Variants in FHIT observed in about 807,000 individuals in gnomAD.
The protein encoded by FHIT is fragile histidine triad diadenosine triphosphatase.
A neutral mutation model predicts 17.9 loss-of-function variants in FHIT; 19 were observed. The observed-to-expected ratio is 1.06, with a 90% CI of 0.74 to 1.56. FHIT has a LOEUF of 1.56. Ranked by LOEUF, FHIT falls within the 40% of genes most tolerant of loss-of-function variation. The pLI, the probability that FHIT is intolerant of heterozygous loss-of-function variation, is 0.00. For synonymous variants in FHIT, 81 were observed against 69.7 expected (o/e 1.16, Z -0.81); for missense variants, 248 against 189.2 (o/e 1.31, Z -1.82).
rs551330011 is a variant in FHIT, at chr3:59,900,946, C to G, written c.348+21400G>C. On this transcript the variant is annotated intron_variant, in intron 8 of 9. Transcript: ENST00000492590. ...ACTGTTTAAAATCTATGCAGTCCTTCTTTGATATGATAACCTTGGGGTTGT... is the reference window on the plus strand; with the variant it reads ...ACTGTTTAAAATCTATGCAGTCCTTGTTTGATATGATAACCTTGGGGTTGT... Among the ~76,000 whole-genome samples the G allele has an allele frequency of 3.1e-4, 47 of 152,250 alleles. 1 individual carries two copies. The highest frequency in any genetic ancestry group is 1.9e-3 in the South Asian group (9 of 4,828).
At chr3:59,871,863 G>A (rs961200149) in intron 8 of FHIT, among the ~76,000 whole-genome samples, 2 of 152,182 alleles carry the variant, frequency 1.3e-5, no homozygotes, top group Admixed American at 6.5e-5. Context: ...CTGACATTTT[G>A]GAGGCAAAGT....
At chr3:60,807,077 T>C (rs1553734526) in intron 4 of FHIT, among the ~76,000 whole-genome samples, 2 of 152,166 alleles carry the variant, frequency 1.3e-5, no homozygotes, top group African/African-American at 2.4e-5. Flanking sequence ...TATTAATCAG[T>C]TGAAGTATTG....
intron 7 of FHIT, among the ~76,000 whole-genome samples, chr3:59,959,587 T>C (rs966712662): frequency 6.6e-6 from 1 of 152,194 alleles, no homozygotes; most frequent in Admixed American, 6.5e-5. Context: ...CATTCATCCA[T>C]GCATATATCC....
intron 2 of FHIT, among the ~76,000 whole-genome samples, chr3:61,050,601 T>C (rs2033987893): frequency 6.6e-6 from 1 of 152,116 alleles, no homozygotes; most frequent in East Asian, 1.9e-4. Context: ...TGACAAGATA[T>C]GATATCCAGC....
At chr3:59,839,125 T>C (rs1701439872) in intron 8 of FHIT, among the ~76,000 whole-genome samples, 1 of 152,190 alleles carries the variant, frequency 6.6e-6, no homozygotes, top group East Asian at 1.9e-4. Flanking sequence ...GAGACCAGCC[T>C]GGCCAACATG....
chr3:61,203,932 A>G (rs1473750868), intron 1 of FHIT, among the ~76,000 whole-genome samples: 1 of 152,242 alleles, frequency 6.6e-6, no homozygotes, highest in Non-Finnish European at 1.5e-5. Context: ...GATGGCAAAA[A>G]ATACAGAAAA....
intron 4 of FHIT, among the ~76,000 whole-genome samples, chr3:60,712,848 G>C (rs2041576029): frequency 6.9e-6 from 1 of 145,246 alleles, no homozygotes; most frequent in South Asian, 2.4e-4. Context: ...ACACCCCACT[G>C]TCAACATTAG....
At chr3:60,693,408 T>C (rs899985091) in intron 4 of FHIT, among the ~76,000 whole-genome samples, 1 of 152,210 alleles carries the variant, frequency 6.6e-6, no homozygotes, top group African/African-American at 2.4e-5. Context: ...TTAAAGTTTC[T>C]CTCTATCTAG....
At chr3:60,172,317 G>C (rs549290238) in intron 5 of FHIT, among the ~76,000 whole-genome samples, 10 of 152,174 alleles carry the variant, frequency 6.6e-5, no homozygotes, top group Non-Finnish European at 1.2e-4. Flanking sequence ...CCAGGCTGCA[G>C]TGCAATGGCA....
intron 4 of FHIT, among the ~76,000 whole-genome samples, chr3:60,713,137 T>A (rs2041585508): frequency 6.6e-6 from 1 of 151,864 alleles, no homozygotes; most frequent in African/African-American, 2.4e-5. Context: ...TCAAAACCGC[T>A]CAACTACATG....
chr3:60,395,850 C>T (rs1013430581), intron 5 of FHIT, among the ~76,000 whole-genome samples: 4 of 152,086 alleles, frequency 2.6e-5, no homozygotes, highest in African/African-American at 9.7e-5. Context: ...TATCAATTGC[C>T]ATTTTTCCAG....
chr3:61,100,874 G>C (rs958087057), intron 2 of FHIT, among the ~76,000 whole-genome samples: 13 of 152,184 alleles, frequency 8.5e-5, no homozygotes, highest in Admixed American at 2.6e-4. Flanking sequence ...AGAAGTGTCT[G>C]TTCATATCCT....
chr3:60,768,247 T>G (rs371478303), intron 4 of FHIT, among the ~76,000 whole-genome samples: 1 of 152,102 alleles, frequency 6.6e-6, no homozygotes, highest in African/African-American at 2.4e-5. Context: ...CATGGGCTCA[T>G]GAATGAGGCA....
intron 5 of FHIT, among the ~76,000 whole-genome samples, chr3:60,308,884 C>G (rs1294494236): frequency 6.6e-6 from 1 of 152,108 alleles, no homozygotes; most frequent in Non-Finnish European, 1.5e-5. Flanking sequence ...TAATCACTAA[C>G]TGTGAGAATA....
At chr3:60,367,870 A>G (rs62248546) in intron 5 of FHIT, among the ~76,000 whole-genome samples, 37,347 of 152,144 alleles carry the variant, frequency 0.25, 5,978 homozygotes, top group Non-Finnish European at 0.36. Flanking sequence ...ATCACCAAAA[A>G]TAAGTTCTGC....
intron 3 of FHIT, among the ~76,000 whole-genome samples, chr3:60,920,731 G>A (rs1191596354): frequency 6.6e-6 from 1 of 152,034 alleles, no homozygotes; most frequent in Non-Finnish European, 1.5e-5. Context: ...AACCTTTTCA[G>A]TCATGTTTAA....
At position 61,050,074 on chromosome 3, in the gene FHIT, AACC is replaced by A. The variant is rs201969255; in HGVS notation, c.-163-7978_-163-7976del. ...ACCTAGCATAAAAAGTACACGGTTTAACCATTTCTTTGGGCCTTCATTTCCTTA... is the reference window on the plus strand; with the variant it reads ...ACCTAGCATAAAAAGTACACGGTTTAATTTCTTTGGGCCTTCATTTCCTTA... On this transcript the variant is annotated intron_variant, in intron 2 of 9. Transcript: ENST00000492590. 6.1e-3 allele frequency among the ~76,000 whole-genome samples: 933 copies of A among 152,330 alleles called. 11 individuals are homozygous for A. The highest frequency in any genetic ancestry group is 0.021 in the African/African-American group (860 of 41,570).
chr3:60,406,458 T>C (rs146286227), intron 5 of FHIT, among the ~76,000 whole-genome samples: 89 of 152,320 alleles, frequency 5.8e-4, no homozygotes, highest in African/African-American at 2.1e-3. Flanking sequence ...ATGCTGCCAC[T>C]AATTCTGTCC....
chr3:60,434,033 A>G (rs1576646320), intron 5 of FHIT, among the ~76,000 whole-genome samples: 1 of 152,062 alleles, frequency 6.6e-6, no homozygotes, highest in African/African-American at 2.4e-5. Flanking sequence ...CAGACGTTAT[A>G]GATTCAGGTT....
Sources: allele counts gnomAD v4.1 joint callset (sites outside exome capture counted in the v4.1 genomes callset), GRCh38; gene constraint gnomAD v4.1.1; transcripts MANE v1.5; gene names NCBI Gene and HGNC (gene_info 2026-07-23, HGNC 2026-07-21).